The following RFX2 variants were observed in gnomAD, a reference collection of about 807,000 sequenced individuals.
RFX2 encodes regulatory factor X2.
Under a neutral mutation model 87.8 loss-of-function variants are expected in RFX2, and 20 were observed. The observed-to-expected ratio is 0.23, with a 90% CI of 0.16 to 0.33. The LOEUF (loss-of-function observed/expected upper bound fraction) is 0.33. Ranked by LOEUF, RFX2 falls within the 10% of genes least tolerant of loss-of-function variation. RFX2 has a pLI of 1.00. For missense variants in RFX2, 767 were observed against 1,012.3 expected, an observed-to-expected ratio of 0.76 and a Z score of 3.29; for synonymous variants, 397 against 431.3, an observed-to-expected ratio of 0.92 and a Z score of 0.98.
intron 1 of RFX2, among the ~76,000 whole-genome samples, chr19:6,107,673 G>A (rs1004526005): frequency 5.8e-5 from 8 of 137,194 alleles, no homozygotes; most frequent in African/African-American, 2.0e-4. Context: ...ATTTTGACTC[G>A]ATTATAATAT....
intron 1 of RFX2, among the ~76,000 whole-genome samples, chr19:6,092,709 G>C (rs1397528012): frequency 6.7e-6 from 1 of 150,086 alleles, no homozygotes; most frequent in African/African-American, 2.5e-5. Context: ...CAGGGAACAC[G>C]TTCCAGAGGA....
intron 12 of RFX2, among the ~76,000 whole-genome samples, chr19:6,005,948 G>A (rs979754109): frequency 5.9e-5 from 9 of 152,288 alleles, no homozygotes; most frequent in East Asian, 1.9e-4. Flanking sequence ...GCACAGTGAC[G>A]GCTCCAGGGC....
Position 6,004,075 on chromosome 19 carries a change from G to C in RFX2, c.1500+126C>G. ...CAGTGTGCTCAGGGCTTCCTGAAGG[G>C]ATCGGTTACTCTCATGACGCAGGGA... On this transcript the variant is annotated intron_variant, in intron 13 of 17. Coordinates refer to ENST00000303657, the MANE Select transcript of RFX2 (RefSeq NM_000635.4). This position sits in a 1 kb window ranked among gnomAD's most constrained non-coding sequence, Gnocchi z 4.8. 1 of 747,608 alleles carries C rather than the reference G, an allele frequency of 1.3e-6. No homozygotes were observed. The highest frequency in any genetic ancestry group is 1.5e-5 in the South Asian group (1 of 66,372). The allele number at this position is 747,608 out of a possible 1,614,324, so 46.3% of individuals were successfully genotyped here.
chr19:6,109,758 C>T (rs981568722), intron 1 of RFX2, among the ~76,000 whole-genome samples: 1 of 151,704 alleles, frequency 6.6e-6, no homozygotes, highest in East Asian at 2.0e-4. Context: ...AAAGAGGGGT[C>T]CCCGGGTGTC....
rs965332122 is a variant in RFX2 at position 6,024,869 on chromosome 19, C to T, written c.597+1294G>A. ...AGTGAGGACGGGATCACGGTGAGGA[C>T]GGGAGTGAGGACGGGATCACGGTGA... On this transcript the variant is annotated intron_variant, in intron 6 of 17. Coordinates refer to ENST00000303657, the MANE Select transcript of RFX2 (RefSeq NM_000635.4). The surrounding 1 kb of genome is among the most constrained non-coding windows in gnomAD (Gnocchi z 5.0). Among the ~76,000 whole-genome samples, 10 of 141,000 alleles carry T rather than the reference C, an allele frequency of 7.1e-5. No homozygotes were observed. The highest frequency in any genetic ancestry group is 1.1e-4 in the Non-Finnish European group (7 of 65,544). The allele number at this position is 141,000 out of a possible 152,430, so 92.5% of individuals were successfully genotyped here.
chr19:6,033,615 C>CAAAAAAAAA (rs34581899), intron 5 of RFX2, among the ~76,000 whole-genome samples: 1 of 60,428 alleles, frequency 1.7e-5, no homozygotes, highest in Non-Finnish European at 3.3e-5. Flanking sequence ...CCCACCTTTG[C>CAAAAAAAAA]AAAAAAAAAA....
intron 9 of RFX2, 23 bp from the exon 10 acceptor site, chr19:6,008,247 T>A: frequency 6.7e-7 from 1 of 1,484,696 alleles, no homozygotes; most frequent in Non-Finnish European, 9.1e-7. Flanking sequence ...CACGGGAACA[T>A]CAGAAATGGC....
chr19:6,089,487 C>A (rs1039907856), intron 1 of RFX2, among the ~76,000 whole-genome samples: 5 of 152,152 alleles, frequency 3.3e-5, no homozygotes, highest in Admixed American at 3.3e-4. Context: ...TGAAACCTAA[C>A]CCCCAATATG....
intron 4 of RFX2, among the ~76,000 whole-genome samples, chr19:6,041,490 G>T (rs1279242117): frequency 1.3e-5 from 2 of 152,096 alleles, no homozygotes; most frequent in Non-Finnish European, 2.9e-5. Context: ...GGAAAATCAA[G>T]TTCTATCAAC....
At chr19:6,077,710 G>A (rs2087712779) in intron 1 of RFX2, among the ~76,000 whole-genome samples, 1 of 152,136 alleles carries the variant, frequency 6.6e-6, no homozygotes, top group Non-Finnish European at 1.5e-5. Context: ...GGCCGGGCGC[G>A]GTGGCTCACA....
intron 5 of RFX2, among the ~76,000 whole-genome samples, chr19:6,035,788 C>G (rs1488074723): frequency 6.6e-6 from 1 of 151,642 alleles, no homozygotes; most frequent in Non-Finnish European, 1.5e-5. Context: ...AACAGCAGAG[C>G]AGTCAGAAGC....
rs150520417 is a variant in RFX2 at position 6,022,635 on chromosome 19, G to A, written c.597+3528C>T. On this transcript the variant is annotated intron_variant, in intron 6 of 17. Transcript: ENST00000303657. The surrounding 1 kb of genome is among the most constrained non-coding windows in gnomAD (Gnocchi z 6.2). ...ATGTTTCATCCCCAGCCCCGGCTCC[G>A]TCCCCTTCCCTCTGGAAGAGCTAAT... 9.5e-4 allele frequency among the ~76,000 whole-genome samples: 144 copies of A among 152,314 alleles called. No homozygotes were observed. The highest frequency in any genetic ancestry group is 3.3e-3 in the African/African-American group (138 of 41,566).
chr19:6,036,902 A>C (rs1158499283), intron 5 of RFX2, among the ~76,000 whole-genome samples: 1 of 152,212 alleles, frequency 6.6e-6, no homozygotes, highest in Non-Finnish European at 1.5e-5. Context: ...AAAAGGCAAG[A>C]AAAAGAAATG....
At position 6,064,343 on chromosome 19, in the gene RFX2, C is replaced by T. The variant is rs186579726; in HGVS notation, c.-8-16839G>A. Among the ~76,000 whole-genome samples the T allele has an allele frequency of 3.9e-4, 59 of 152,320 alleles. 1 individual carries two copies. In the East Asian group the frequency reaches 4.2e-3, roughly 11 times the overall value. On this transcript the variant is annotated intron_variant, in intron 1 of 17. Coordinates refer to ENST00000303657, the MANE Select transcript of RFX2 (RefSeq NM_000635.4). This position sits in a 1 kb window ranked among gnomAD's most constrained non-coding sequence, Gnocchi z 4.8. ...CTTACCAGCCTTTCTTTCCCTCTCA[C>T]GTTTCTCTCCCTTTCTGACCATGAG... is the stretch of plus-strand genomic sequence containing the variant.
Position 6,004,192 on chromosome 19 carries a change from C to G in RFX2, c.1500+9G>C, listed in dbSNP as rs201931882. ...TCGTTGGGGAGCCCAGGCCCCACCC[C>G]GGACGCACCTTGGTCTGGATGACCT... is the stretch of plus-strand genomic sequence containing the variant. On this transcript the variant is annotated intron_variant, in intron 13 of 17. Coordinates refer to ENST00000303657, the MANE Select transcript of RFX2 (RefSeq NM_000635.4). The surrounding 1 kb of genome is among the most constrained non-coding windows in gnomAD (Gnocchi z 4.8). The G allele has an allele frequency of 1.2e-5, 20 of 1,610,782 alleles. 1 individual carries two copies. The Middle Eastern group carries it at 1.3e-3, about 106-fold the overall frequency.
intron 1 of RFX2, among the ~76,000 whole-genome samples, chr19:6,079,760 C>G (rs140199860): frequency 0.015 from 2,332 of 152,008 alleles, 48 homozygotes; most frequent in African/African-American, 0.053. Flanking sequence ...GTGGCTCGTG[C>G]CTGTAGTCCC....
chr19:6,023,452 C>CTCTCTGGA lies in RFX2; in HGVS notation c.597+2710_597+2711insTCCAGAGA, dbSNP rs2086847037. 6.6e-6 allele frequency among the ~76,000 whole-genome samples: 1 copy of CTCTCTGGA among 152,266 alleles called. No individual in the cohort carries two copies. Among genetic ancestry groups the CTCTCTGGA allele is most frequent in the Non-Finnish European group, 1.5e-5 (1 of 68,050 alleles). On this transcript the variant is annotated intron_variant, in intron 6 of 17. Transcript: ENST00000303657. This position sits in a 1 kb window ranked among gnomAD's most constrained non-coding sequence, Gnocchi z 4.9. ...ATCACGTGCTTTAACTCCTCTCTTC[C>CTCTCTGGA]TCTCTGGCTCTCACATTTGCCAAAA...
At position 6,026,583 on chromosome 19, in the gene RFX2, A is replaced by ACG; in HGVS notation, c.523-347_523-346insCG. 1 of 317,142 alleles carries ACG rather than the reference A, an allele frequency of 3.2e-6. No individual in the cohort carries two copies. Among genetic ancestry groups the ACG allele is most frequent in the Non-Finnish European group, 6.0e-6 (1 of 167,786 alleles). 19.6% of individuals were successfully genotyped at this position (317,142 alleles called of 1,614,324 possible). The stretch of plus-strand genomic sequence containing the variant: ...CAGCCACTGCATCCATTCCAGTGTC[A>ACG]GCCAAGCCAGCATCATAGTCACCTG... On this transcript the variant is annotated intron_variant, in intron 5 of 17. Coordinates refer to ENST00000303657, the MANE Select transcript of RFX2 (RefSeq NM_000635.4). The surrounding 1 kb of genome is among the most constrained non-coding windows in gnomAD (Gnocchi z 4.5).
In RFX2 at chr19:6,063,678, G is replaced by A. The variant is rs569090222; in HGVS notation, c.-8-16174C>T. Among the ~76,000 whole-genome samples, 1 of 152,344 alleles carries A rather than the reference G, an allele frequency of 6.6e-6. No individual in the cohort carries two copies. The highest frequency in any genetic ancestry group is 6.5e-5 in the Admixed American group (1 of 15,310). On this transcript the variant is annotated intron_variant, in intron 1 of 17. Transcript: ENST00000303657. This position sits in a 1 kb window ranked among gnomAD's most constrained non-coding sequence, Gnocchi z 4.0. ...GAGCAGTGGGGAAACCCTCTCTCCAGTCAGCTTGTCATGTCATACAGGCTT... is the reference window on the plus strand; with the variant it reads ...GAGCAGTGGGGAAACCCTCTCTCCAATCAGCTTGTCATGTCATACAGGCTT...
Sources: allele counts gnomAD v4.1 joint callset (sites outside exome capture counted in the v4.1 genomes callset), GRCh38; gene constraint gnomAD v4.1.1; non-coding constraint Gnocchi (gnomAD v3.1); transcripts MANE v1.5; gene names NCBI Gene and HGNC (gene_info 2026-07-23, HGNC 2026-07-21).